Variants in CHST9 observed in about 807,000 individuals in gnomAD.
The protein encoded by CHST9 is carbohydrate sulfotransferase 9.
CHST9 carries 41 observed loss-of-function variants against 44.4 expected under a neutral mutation model. The ratio of observed to expected loss-of-function variants is 0.92; its 90% confidence interval spans 0.72 to 1.20. The LOEUF (loss-of-function observed/expected upper bound fraction) is 1.20. CHST9 is among the 50% of genes most tolerant of loss of function. CHST9 has a pLI of 0.00. For synonymous variants in CHST9, 171 were observed against 178.4 expected, an observed-to-expected ratio of 0.96 and a Z score of 0.33; for missense variants, 504 against 516.5, an observed-to-expected ratio of 0.98 and a Z score of 0.23.
intron 4 of CHST9, among the ~76,000 whole-genome samples, chr18:26,974,166 C>T (rs192714494): frequency 2.4e-3 from 365 of 152,260 alleles, no homozygotes; most frequent in Middle Eastern, 3.4e-3. Context: ...CTATTTCCTT[C>T]CTGAAGTTTT....
rs570098753 is a variant in CHST9, at chr18:27,090,027, G to A, written c.122-41524C>T. On this transcript the variant is annotated intron_variant, in intron 2 of 5. Transcript: ENST00000618847. ...GGGGTTGCATTGTGTTAGCCAGTATGGTCTCAATCTCCTGACCTCTTGATC... is the reference window on the plus strand; with the variant it reads ...GGGGTTGCATTGTGTTAGCCAGTATAGTCTCAATCTCCTGACCTCTTGATC... 1.8e-3 allele frequency among the ~76,000 whole-genome samples: 272 copies of A among 152,088 alleles called. 1 individual carries two copies. Among genetic ancestry groups the A allele is most frequent in the Non-Finnish European group, 3.2e-3 (220 of 67,972 alleles).
intron 4 of CHST9, among the ~76,000 whole-genome samples, chr18:26,996,616 A>C (rs2056890892): frequency 6.6e-6 from 1 of 152,172 alleles, no homozygotes; most frequent in Non-Finnish European, 1.5e-5. Context: ...AGGAAGGCGG[A>C]TACCTGCCCC....
rs2055454069 is a variant in CHST9 at position 26,912,412 on chromosome 18, CAGACA to C, written c.*3842_*3846del. 1 of 148,640 alleles carries C rather than the reference CAGACA, an allele frequency of 6.7e-6. No individual in the cohort carries two copies. The highest frequency in any genetic ancestry group is 2.5e-5 in the African/African-American group (1 of 40,514). The allele number at this position is 148,640 out of a possible 1,614,324, so 9.2% of individuals were successfully genotyped here. ...ACACACACACACACACACACACACA[CAGACA>C]CCCATATTTGTATGGAAAAAATTTC... On this transcript the variant is annotated 3_prime_UTR_variant, in exon 6 of 6. Transcript: ENST00000618847.
intron 2 of CHST9, among the ~76,000 whole-genome samples, chr18:27,118,076 T>C (rs1342895315): frequency 6.6e-6 from 1 of 152,238 alleles, no homozygotes; most frequent in Non-Finnish European, 1.5e-5. Flanking sequence ...GTTTGGGATT[T>C]TGGCCATTCA....
intron 4 of CHST9, among the ~76,000 whole-genome samples, chr18:27,018,526 CTG>C (rs1172947649): frequency 6.6e-6 from 1 of 152,152 alleles, no homozygotes; most frequent in African/African-American, 2.4e-5. Context: ...AAGGTACAAA[CTG>C]TTGGAAAATC....
intron 1 of CHST9, among the ~76,000 whole-genome samples, chr18:27,179,078 GTCTCTCTCTC>G (rs34391433): frequency 7.2e-4 from 108 of 150,110 alleles, no homozygotes; most frequent in African/African-American, 1.8e-3. Flanking sequence ...GTGTGATAAT[GTCTCTCTCTC>G]TCTCTCTCTC....
At chr18:27,098,716 A>T (rs1190456004) in intron 2 of CHST9, among the ~76,000 whole-genome samples, 2 of 151,994 alleles carry the variant, frequency 1.3e-5, no homozygotes, top group African/African-American at 4.8e-5. Context: ...AAAACCAAAC[A>T]CTGCCTGTTC....
At chr18:26,937,240 C>T (rs2145101350) in intron 5 of CHST9, among the ~76,000 whole-genome samples, 1 of 151,970 alleles carries the variant, frequency 6.6e-6, no homozygotes, top group South Asian at 2.1e-4. Flanking sequence ...CTTTATTTTT[C>T]ACTTACTTAA....
chr18:27,179,037 C>T (rs528654422), intron 1 of CHST9, among the ~76,000 whole-genome samples: 2 of 150,204 alleles, frequency 1.3e-5, no homozygotes, highest in South Asian at 2.1e-4. Flanking sequence ...TAAATATGCA[C>T]ATATATACAT....
intron 4 of CHST9, among the ~76,000 whole-genome samples, chr18:26,969,547 C>T (rs2056514503): frequency 6.6e-6 from 1 of 152,130 alleles, no homozygotes; most frequent in South Asian, 2.1e-4. Context: ...CCGGGCTAGG[C>T]ACTCTCCTGG....
At chr18:26,994,858 G>A (rs1282022512) in intron 4 of CHST9, among the ~76,000 whole-genome samples, 1 of 152,022 alleles carries the variant, frequency 6.6e-6, no homozygotes, top group Admixed American at 6.6e-5. Context: ...CAAAGTGCTG[G>A]GATTACAGGC....
chr18:27,106,444 A>T (rs1375930019), intron 2 of CHST9, among the ~76,000 whole-genome samples: 1 of 152,092 alleles, frequency 6.6e-6, no homozygotes, highest in Non-Finnish European at 1.5e-5. Context: ...AGCCCAACCA[A>T]TTTGTTCCTA....
At chr18:27,063,963 C>A (rs999010383) in intron 2 of CHST9, among the ~76,000 whole-genome samples, 5 of 152,006 alleles carry the variant, frequency 3.3e-5, no homozygotes, top group Middle Eastern at 3.2e-3. Context: ...GGAGGAGAAG[C>A]CAATCCCAAA....
At chr18:27,148,432 C>T (rs374671747) in intron 1 of CHST9, among the ~76,000 whole-genome samples, 4 of 135,044 alleles carry the variant, frequency 3.0e-5, no homozygotes, top group South Asian at 2.8e-4. Flanking sequence ...AACAGTCCCC[C>T]GTGTGTGATG....
At chr18:27,096,154 T>G (rs1247460229) in intron 2 of CHST9, among the ~76,000 whole-genome samples, 1 of 152,044 alleles carries the variant, frequency 6.6e-6, no homozygotes, top group Non-Finnish European at 1.5e-5. Flanking sequence ...CAATATCACA[T>G]GGAAATTAAA....
chr18:26,941,110 C>T (rs2056075778), intron 5 of CHST9, among the ~76,000 whole-genome samples: 1 of 152,166 alleles, frequency 6.6e-6, no homozygotes, highest in African/African-American at 2.4e-5. Flanking sequence ...GGCACCTGTT[C>T]ATGGTACTTT....
chr18:27,152,101 T>C (rs1216647857), intron 1 of CHST9, among the ~76,000 whole-genome samples: 1 of 152,208 alleles, frequency 6.6e-6, no homozygotes, highest in East Asian at 1.9e-4. Flanking sequence ...TGTTTTGTCA[T>C]ACAGAACACA....
At chr18:27,179,100 C>A (rs202056742) in intron 1 of CHST9, among the ~76,000 whole-genome samples, 3,067 of 118,812 alleles carry the variant, frequency 0.026, 53 homozygotes, top group East Asian at 0.083. Context: ...CTCTCTCTCT[C>A]TCTCTATATA....
chr18:27,025,178 ATATAT>A (rs538067146), intron 3 of CHST9, among the ~76,000 whole-genome samples: 347 of 148,218 alleles, frequency 2.3e-3, no homozygotes, highest in Middle Eastern at 3.6e-3. Flanking sequence ...ATACACTTAC[ATATAT>A]TATATATTAA....
Sources: allele counts gnomAD v4.1 joint callset (sites outside exome capture counted in the v4.1 genomes callset), GRCh38; gene constraint gnomAD v4.1.1; transcripts MANE v1.5; gene names NCBI Gene and HGNC (gene_info 2026-07-23, HGNC 2026-07-21).